CXCL13: variants seen among roughly 807,000 people sequenced by gnomAD.
CXCL13 encodes the protein C-X-C motif chemokine 13.
Under a neutral mutation model 12.2 loss-of-function variants are expected in CXCL13, and 7 were observed. The ratio of observed to expected loss-of-function variants is 0.57; its 90% CI spans 0.33 to 1.07. CXCL13 has a LOEUF of 1.07. Among genes scored for constraint, CXCL13 ranks in the 50% least tolerant of loss-of-function variants. The pLI, the probability that CXCL13 is intolerant of heterozygous loss-of-function variation, is 0.04. For missense variants in CXCL13, 113 were observed against 127.4 expected (o/e 0.89, Z 0.55); for synonymous variants, 47 against 42.4 (o/e 1.11, Z -0.42).
chr4:77,583,935 A>G (rs1341527212), intron 1 of CXCL13, among the ~76,000 whole-genome samples: 3 of 151,790 alleles, frequency 2.0e-5, no homozygotes, highest in Non-Finnish European at 2.9e-5. Flanking sequence ...AGGGAACTAC[A>G]TGGGACACTC....
intron 1 of CXCL13, among the ~76,000 whole-genome samples, chr4:77,599,871 G>A (rs1311136275): frequency 6.6e-6 from 1 of 152,224 alleles, no homozygotes; most frequent in Non-Finnish European, 1.5e-5. Context: ...GACAATGGTG[G>A]CTGGGAATAG....
intron 1 of CXCL13, among the ~76,000 whole-genome samples, chr4:77,563,444 C>G (rs1238849010): frequency 6.6e-6 from 1 of 152,210 alleles, no homozygotes; most frequent in Non-Finnish European, 1.5e-5. Context: ...ATTAATCCCA[C>G]CTCATCTCTA....
intron 1 of CXCL13, among the ~76,000 whole-genome samples, chr4:77,528,304 T>G (rs1484405323): frequency 1.3e-5 from 2 of 152,216 alleles, no homozygotes; most frequent in South Asian, 4.1e-4. Context: ...GTAATGGGAT[T>G]GCTGGGTCAA....
chr4:77,546,854 C>T (rs966656727), intron 1 of CXCL13, among the ~76,000 whole-genome samples: 9 of 152,142 alleles, frequency 5.9e-5, no homozygotes, highest in African/African-American at 2.2e-4. Flanking sequence ...TTAGATCTTT[C>T]CTGCTTTCTC....
At position 77,550,702 on chromosome 4, in the gene CXCL13, T is replaced by G. The variant is rs140260759; in HGVS notation, c.-43+38914T>G. Among the ~76,000 whole-genome samples the G allele has an allele frequency of 5.1e-3, 772 of 152,324 alleles. 5 individuals are homozygous for G. Among genetic ancestry groups the G allele is most frequent in the African/African-American group, 0.017 (687 of 41,578 alleles). Reference sequence around the variant, plus strand: ...TCTGCCTTGATGATTTGTCTGATGCTGTCAGTAGGGTGTTAAAATTCCCCA... The same window carrying G: ...TCTGCCTTGATGATTTGTCTGATGCGGTCAGTAGGGTGTTAAAATTCCCCA... On this transcript the variant is annotated intron_variant, in intron 1 of 4. Coordinates refer to the CXCL13 transcript ENST00000286758.
At chr4:77,547,355 G>A (rs772323238) in intron 1 of CXCL13, among the ~76,000 whole-genome samples, 51 of 152,166 alleles carry the variant, frequency 3.4e-4, no homozygotes, top group Non-Finnish European at 6.6e-4. Context: ...TTATTATTGT[G>A]TGGGAGTCTA....
intron 1 of CXCL13, among the ~76,000 whole-genome samples, chr4:77,607,066 G>A (rs1334779931): frequency 1.3e-5 from 2 of 152,208 alleles, no homozygotes; most frequent in Non-Finnish European, 2.9e-5. Flanking sequence ...TTTTCTGAGA[G>A]GAAAGGGGAG....
intron 3 of CXCL13, 122 bp from the exon 4 acceptor site, chr4:77,610,866 C>A: frequency 2.1e-6 from 2 of 940,922 alleles, no homozygotes; most frequent in Non-Finnish European, 3.4e-6. Flanking sequence ...ATTCCAGCAG[C>A]TCAGTAAACC....
In CXCL13 at chr4:77,590,773, C is replaced by G. The variant is rs140382157; in HGVS notation, c.-42-15051C>G. ...ACATGTGTAGTTCTTTGCTCCAGGC[C>G]CCAGTACAGGGCCAGTATTTTTATT... On this transcript the variant is annotated intron_variant, in intron 1 of 4. Transcript: ENST00000286758. Among the ~76,000 whole-genome samples, 35 of 152,258 alleles carry G rather than the reference C, an allele frequency of 2.3e-4. No individual in the cohort carries two copies. In the East Asian group the frequency reaches 6.8e-3, roughly 29 times the overall value.
chr4:77,545,697 A>G (rs1725344912), intron 1 of CXCL13, among the ~76,000 whole-genome samples: 1 of 152,110 alleles, frequency 6.6e-6, no homozygotes, highest in East Asian at 1.9e-4. Context: ...CTGCAAACAG[A>G]GACAATTTGA....
At chr4:77,594,108 T>A (rs1053853030) in intron 1 of CXCL13, among the ~76,000 whole-genome samples, 5 of 152,142 alleles carry the variant, frequency 3.3e-5, no homozygotes, top group African/African-American at 9.7e-5. Flanking sequence ...GGTGTAAGTG[T>A]TTGGGGGCTC....
chr4:77,535,435 C>G (rs978974578), intron 1 of CXCL13, among the ~76,000 whole-genome samples: 1 of 152,184 alleles, frequency 6.6e-6, no homozygotes, highest in Non-Finnish European at 1.5e-5. Flanking sequence ...CCAAAGATGA[C>G]TGCAAAATCA....
intron 1 of CXCL13, among the ~76,000 whole-genome samples, chr4:77,572,321 A>T (rs1222747791): frequency 6.6e-6 from 1 of 151,920 alleles, no homozygotes; most frequent in Non-Finnish European, 1.5e-5. Flanking sequence ...GAAGCATTTG[A>T]ACCTGGGAGG....
intron 1 of CXCL13, among the ~76,000 whole-genome samples, chr4:77,562,052 C>A (rs1441150697): frequency 6.6e-6 from 1 of 152,198 alleles, no homozygotes; most frequent in Non-Finnish European, 1.5e-5. Context: ...CCCAGCAGTG[C>A]TGGCCCACCA....
intron 2 of CXCL13, 77 bp downstream of exon 2, chr4:77,607,912 TACTC>T: frequency 1.4e-6 from 2 of 1,397,652 alleles, no homozygotes; most frequent in Non-Finnish European, 2.0e-6. Context: ...ACAGTAGTCT[TACTC>T]AAGAATGTCG....
chr4:77,563,458 C>A (rs140767225), intron 1 of CXCL13, among the ~76,000 whole-genome samples: 17 of 152,338 alleles, frequency 1.1e-4, no homozygotes, highest in African/African-American at 4.1e-4. Context: ...ATCTCTACTT[C>A]CCTGCATTTC....
At chr4:77,517,821 T>A (rs1451781849) in intron 1 of CXCL13, among the ~76,000 whole-genome samples, 1 of 152,238 alleles carries the variant, frequency 6.6e-6, no homozygotes, top group East Asian at 1.9e-4. Context: ...AAAGTTAATA[T>A]TGTTATGTGT....
chr4:77,538,662 G>T (rs1400857826), intron 1 of CXCL13, among the ~76,000 whole-genome samples: 3 of 152,154 alleles, frequency 2.0e-5, no homozygotes, highest in African/African-American at 7.2e-5. Flanking sequence ...CCCACTGGTA[G>T]AAATGGCTAC....
intron 1 of CXCL13, among the ~76,000 whole-genome samples, chr4:77,537,760 C>T (rs1340204644): frequency 6.6e-6 from 1 of 152,104 alleles, no homozygotes. Context: ...ATGACTCTTC[C>T]TCCATTCTTA....
Sources: gnomAD v4.1 joint callset for allele counts (sites outside exome capture counted in the v4.1 genomes callset) on GRCh38, gnomAD v4.1.1 for gene constraint, MANE v1.5 for transcripts, NCBI Gene and HGNC (gene_info 2026-07-23, HGNC 2026-07-21) for gene names.